CABCOCO1: variants seen among roughly 807,000 people sequenced by gnomAD.
CABCOCO1 encodes the protein ciliary-associated calcium-binding coiled-coil protein 1.
CABCOCO1 carries 28 observed loss-of-function variants against 35.7 expected under a neutral mutation model. That is an observed-to-expected ratio of 0.78 (90% CI 0.58 to 1.07). The LOEUF is 1.07. CABCOCO1 is among the 50% of genes least tolerant of loss of function. CABCOCO1 has a pLI of 0.00. For synonymous variants in CABCOCO1, 95 were observed against 100.1 expected, an observed-to-expected ratio of 0.95 and a Z score of 0.30; for missense variants, 326 against 309.2, an observed-to-expected ratio of 1.05 and a Z score of -0.41.
At chr10:61,690,644 A>G (rs776200051) in intron 5 of CABCOCO1, 23 bp downstream of exon 5, 3 of 1,498,112 alleles carry the variant, frequency 2.0e-6, no homozygotes, top group Non-Finnish European at 1.9e-6. Flanking sequence ...TCTAGATGGA[A>G]CAAGTTAAGC....
chr10:61,689,267 G>T (rs947376564), intron 4 of CABCOCO1, among the ~76,000 whole-genome samples: 1 of 152,116 alleles, frequency 6.6e-6, no homozygotes, highest in African/African-American at 2.4e-5. Flanking sequence ...GGTAACCAGC[G>T]TAAGTTAGGG....
chr10:61,765,924 T>C lies in CABCOCO1; in HGVS notation c.817-15T>C, dbSNP rs1842098345. ...AGCTCCATCATAACCACGTTTTTTA[T>C]GATTGTCTTCACAGACCGAGATAAA... is the stretch of plus-strand genomic sequence containing the variant. On this transcript the variant is annotated splice_polypyrimidine_tract_variant and intron_variant, in intron 7 of 7. Coordinates refer to ENST00000648843, the MANE Select transcript of CABCOCO1 (RefSeq NM_001366906.2). 4 of 1,608,450 alleles carry C rather than the reference T, an allele frequency of 2.5e-6. No homozygotes were observed. Among genetic ancestry groups the C allele is most frequent in the Non-Finnish European group, 3.4e-6 (4 of 1,176,212 alleles).
intron 5 of CABCOCO1, among the ~76,000 whole-genome samples, chr10:61,727,954 A>C (rs1273795049): frequency 1.3e-5 from 2 of 152,230 alleles, no homozygotes; most frequent in Non-Finnish European, 2.9e-5. Flanking sequence ...AAAGTGTTTT[A>C]TCAATGCCTG....
rs978538721 is a variant in CABCOCO1, at chr10:61,680,735, A to T, written c.165-408A>T. Among the ~76,000 whole-genome samples, 4 of 64,798 alleles carry T rather than the reference A, an allele frequency of 6.2e-5. 1 individual carries two copies. Among genetic ancestry groups the T allele is most frequent in the East Asian group, 3.8e-4 (1 of 2,616 alleles). The allele number at this position is 64,798 out of a possible 152,430, so 42.5% of individuals were successfully genotyped here. ...TGTATAACATATATATTATATATAT[A>T]ATATATATATCTCAGAATATTTAAC... On this transcript the variant is annotated intron_variant, in intron 2 of 7. Transcript: ENST00000648843.
chr10:61,749,001 C>A (rs191796681), intron 5 of CABCOCO1, among the ~76,000 whole-genome samples: 1 of 152,256 alleles, frequency 6.6e-6, no homozygotes, highest in Admixed American at 6.5e-5. Context: ...TTATATCAGC[C>A]ATGAAAATTA....
chr10:61,752,092 G>A (rs1354860007), intron 5 of CABCOCO1, among the ~76,000 whole-genome samples: 3 of 152,098 alleles, frequency 2.0e-5, no homozygotes, highest in African/African-American at 4.8e-5. Flanking sequence ...GAAAAGCCAG[G>A]GAAACTTAGA....
At chr10:61,755,364 A>AG (rs1201435711) in intron 5 of CABCOCO1, among the ~76,000 whole-genome samples, 2 of 152,064 alleles carry the variant, frequency 1.3e-5, no homozygotes, top group Non-Finnish European at 2.9e-5. Flanking sequence ...CCTTTCTTCA[A>AG]GGGGGGGAAA....
At chr10:61,695,304 A>C (rs1309968838) in intron 5 of CABCOCO1, among the ~76,000 whole-genome samples, 1 of 151,942 alleles carries the variant, frequency 6.6e-6, no homozygotes, top group Admixed American at 6.6e-5. Flanking sequence ...TCAAAAAAAA[A>C]AAATCTAAAA....
At chr10:61,765,854 C>A in intron 7 of CABCOCO1, 85 bp from the exon 8 acceptor site, 1 of 1,230,348 alleles carries the variant, frequency 8.1e-7, no homozygotes, top group Non-Finnish European at 1.2e-6. Context: ...TGTCTTTAGG[C>A]ACTATAGTAT....
intron 5 of CABCOCO1, among the ~76,000 whole-genome samples, chr10:61,701,298 A>C (rs1840452191): frequency 1.3e-5 from 2 of 152,158 alleles, no homozygotes; most frequent in African/African-American, 4.8e-5. Flanking sequence ...ACTTTTAAAA[A>C]ATGCATAACA....
At position 61,763,545 on chromosome 10, in the gene CABCOCO1, A is replaced by G; in HGVS notation, c.817-2394A>G. On this transcript the variant is annotated intron_variant, in intron 7 of 7. Coordinates refer to ENST00000648843, the MANE Select transcript of CABCOCO1 (RefSeq NM_001366906.2). ...ATTATACCCAAGGGAGCAAACTTAA[A>G]TATATTTAAAGAATTACATTTCAGA... is the stretch of plus-strand genomic sequence containing the variant. 2.0e-5 allele frequency among the ~76,000 whole-genome samples: 3 copies of G among 152,218 alleles called. No homozygotes were observed. In the South Asian group the frequency reaches 6.2e-4, roughly 32 times the overall value.
chr10:61,675,433 G>A (rs1251556694), intron 2 of CABCOCO1, among the ~76,000 whole-genome samples: 1 of 152,118 alleles, frequency 6.6e-6, no homozygotes, highest in Non-Finnish European at 1.5e-5. Flanking sequence ...TGGTATTAGG[G>A]AAAGTGGTGG....
intron 5 of CABCOCO1, among the ~76,000 whole-genome samples, chr10:61,728,116 A>G (rs1010056201): frequency 6.6e-6 from 1 of 152,198 alleles, no homozygotes; most frequent in Non-Finnish European, 1.5e-5. Context: ...CATGCTTTTG[A>G]AAGCATACAA....
chr10:61,713,443 A>C (rs1311155133), intron 5 of CABCOCO1, among the ~76,000 whole-genome samples: 1 of 152,236 alleles, frequency 6.6e-6, no homozygotes, highest in Non-Finnish European at 1.5e-5. Flanking sequence ...AATAACAAGC[A>C]TGTCAACTGC....
In CABCOCO1 at chr10:61,680,736, A is replaced by T. The variant is rs1032607183; in HGVS notation, c.165-407A>T. On this transcript the variant is annotated intron_variant, in intron 2 of 7. Transcript: ENST00000648843. ...GTATAACATATATATTATATATATAATATATATATCTCAGAATATTTAACA... is the reference window on the plus strand; with the variant it reads ...GTATAACATATATATTATATATATATTATATATATCTCAGAATATTTAACA... 3.3e-4 allele frequency among the ~76,000 whole-genome samples: 21 copies of T among 64,218 alleles called. 1 individual carries two copies. Among genetic ancestry groups the T allele is most frequent in the Non-Finnish European group, 6.7e-4 (17 of 25,538 alleles). 42.1% of individuals were successfully genotyped at this position (64,218 alleles called of 152,430 possible).
intron 2 of CABCOCO1, among the ~76,000 whole-genome samples, chr10:61,673,210 T>C (rs1200577271): frequency 6.6e-6 from 1 of 152,244 alleles, no homozygotes; most frequent in East Asian, 1.9e-4. Context: ...TCTGATTGTG[T>C]ACATGTTACT....
At chr10:61,736,140 T>C (rs1197277336) in intron 5 of CABCOCO1, among the ~76,000 whole-genome samples, 3 of 152,230 alleles carry the variant, frequency 2.0e-5, no homozygotes, top group African/African-American at 7.2e-5. Flanking sequence ...TCTTTTACTG[T>C]GCAGAAGCTC....
At chr10:61,732,334 T>C (rs534245974) in intron 5 of CABCOCO1, among the ~76,000 whole-genome samples, 28 of 152,222 alleles carry the variant, frequency 1.8e-4, no homozygotes, top group Non-Finnish European at 2.8e-4. Flanking sequence ...AAGCAAGTAC[T>C]TTTCATTTCT....
chr10:61,697,974 T>C (rs1338940708), intron 5 of CABCOCO1, among the ~76,000 whole-genome samples: 1 of 152,060 alleles, frequency 6.6e-6, no homozygotes, highest in Non-Finnish European at 1.5e-5. Context: ...TGCTATAACA[T>C]CCCAAATTTT....
Sources: gnomAD v4.1 joint callset for allele counts (sites outside exome capture counted in the v4.1 genomes callset) on GRCh38, gnomAD v4.1.1 for gene constraint, MANE v1.5 for transcripts, NCBI Gene and HGNC (gene_info 2026-07-23, HGNC 2026-07-21) for gene names.